RGS7: variants seen among roughly 807,000 people sequenced by gnomAD.
The protein encoded by RGS7 is regulator of G protein signaling 7, also known as regulator of G-protein signaling 7.
In RGS7, 27 loss-of-function variants were observed where a neutral mutation model predicts 81.1. The ratio of observed to expected loss-of-function variants is 0.33; its 90% confidence interval spans 0.25 to 0.46. RGS7 has a LOEUF of 0.46. Ranked by LOEUF, RGS7 falls within the 20% of genes least tolerant of loss-of-function variation. The pLI is 1.00. For synonymous variants in RGS7, 208 were observed against 207.7 expected, an observed-to-expected ratio of 1.00 and a Z score of -0.01; for missense variants, 396 against 607.4, an observed-to-expected ratio of 0.65 and a Z score of 3.66.
intron 2 of RGS7, among the ~76,000 whole-genome samples, chr1:241,211,246 T>C (rs1183479705): frequency 6.6e-6 from 1 of 152,038 alleles, no homozygotes; most frequent in Non-Finnish European, 1.5e-5. Flanking sequence ...GATGGCGCCA[T>C]TGCACTCCAG....
chr1:241,111,605 C>A lies in RGS7; in HGVS notation c.79-12843G>T, dbSNP rs187447687. Among the ~76,000 whole-genome samples the A allele has an allele frequency of 7.8e-3, 1,174 of 150,296 alleles. 22 individuals are homozygous for A. The highest frequency in any genetic ancestry group is 0.027 in the African/African-American group (1,089 of 40,566). ...AGCCTGGACAACATAGCAAGACCCC[C>A]CCTCTCTACAAGTAAAAAAAAAAAT... On this transcript the variant is annotated intron_variant, in intron 2 of 18. Coordinates refer to ENST00000440928, the MANE Select transcript of RGS7 (RefSeq NM_001364886.1).
chr1:241,264,663 G>A (rs558560823), intron 2 of RGS7, among the ~76,000 whole-genome samples: 1 of 152,318 alleles, frequency 6.6e-6, no homozygotes, highest in African/African-American at 2.4e-5. Context: ...GAATAATTAT[G>A]AAGTCTCCAG....
chr1:241,349,814 A>C (rs2083122481), intron 2 of RGS7, among the ~76,000 whole-genome samples: 1 of 152,186 alleles, frequency 6.6e-6, no homozygotes, highest in Non-Finnish European at 1.5e-5. Flanking sequence ...CTTGTTTTCA[A>C]AGAGACTTAA....
At chr1:241,215,691 C>T (rs1310266436) in intron 2 of RGS7, among the ~76,000 whole-genome samples, 3 of 152,074 alleles carry the variant, frequency 2.0e-5, no homozygotes, top group Admixed American at 6.6e-5. Flanking sequence ...GGGAAGTCCT[C>T]GTAGGGGAAA....
chr1:241,143,827 T>G (rs2068101540), intron 2 of RGS7, among the ~76,000 whole-genome samples: 1 of 152,308 alleles, frequency 6.6e-6, no homozygotes, highest in East Asian at 1.9e-4. Flanking sequence ...GATTAGATCA[T>G]GAGGGCAAAG....
intron 3 of RGS7, among the ~76,000 whole-genome samples, chr1:240,997,081 G>T (rs1189324062): frequency 1.3e-5 from 2 of 151,686 alleles, no homozygotes; most frequent in African/African-American, 4.8e-5. Context: ...TCCTGAAGAG[G>T]GAACACAGAT....
At position 241,144,926 on chromosome 1, in the gene RGS7, GGTGTGTGTGT is replaced by G. The variant is rs58610723; in HGVS notation, c.79-46174_79-46165del. Among the ~76,000 whole-genome samples the G allele has an allele frequency of 7.7e-5, 11 of 141,968 alleles. No homozygotes were observed. In the South Asian group the frequency reaches 1.6e-3, roughly 21 times the overall value. 93.1% of individuals were successfully genotyped at this position (141,968 alleles called of 152,430 possible). ...TCAGTATGTGTTGGCAGGGCAGGATGGTGTGTGTGTGTGTGTGTGTGTGTGTGTGTGTGTG... is the reference window on the plus strand; with the variant it reads ...TCAGTATGTGTTGGCAGGGCAGGATGGTGTGTGTGTGTGTGTGTGTGTGTG... On this transcript the variant is annotated intron_variant, in intron 2 of 18. Transcript: ENST00000440928. This position sits in a 1 kb window ranked among gnomAD's most constrained non-coding sequence, Gnocchi z 4.7.
rs780817153 is a variant in RGS7 at position 240,890,052 on chromosome 1, C to T, written c.386-19933G>A. On this transcript the variant is annotated intron_variant, in intron 6 of 18. Coordinates refer to ENST00000440928, the MANE Select transcript of RGS7 (RefSeq NM_001364886.1). ...ACTGGTTTGCAGAGACTTCCCTCCC[C>T]ACACTCTGCCCTCCCGTACTCAGTC... Among the ~76,000 whole-genome samples, 4 of 152,224 alleles carry T rather than the reference C, an allele frequency of 2.6e-5. No homozygotes were observed. In the East Asian group the frequency reaches 7.7e-4, roughly 29 times the overall value.
At chr1:241,201,192 C>T (rs1309954386) in intron 2 of RGS7, among the ~76,000 whole-genome samples, 1 of 152,192 alleles carries the variant, frequency 6.6e-6, no homozygotes, top group African/African-American at 2.4e-5. Context: ...ATGCCTACCC[C>T]ACTTCTCTAA....
intron 2 of RGS7, among the ~76,000 whole-genome samples, chr1:241,120,540 C>G (rs112129969): frequency 1.2e-4 from 19 of 152,056 alleles, no homozygotes; most frequent in African/African-American, 3.6e-4. Flanking sequence ...GAGATGGAGT[C>G]TTGCTATGTT....
At chr1:241,032,285 A>C (rs558854098) in intron 3 of RGS7, among the ~76,000 whole-genome samples, 5 of 152,310 alleles carry the variant, frequency 3.3e-5, no homozygotes, top group African/African-American at 1.2e-4. Flanking sequence ...AGTTGACTGC[A>C]TGTATGTAGC....
At chr1:241,313,831 T>G (rs1481967402) in intron 2 of RGS7, among the ~76,000 whole-genome samples, 2 of 152,086 alleles carry the variant, frequency 1.3e-5, no homozygotes, top group Admixed American at 6.5e-5. Flanking sequence ...TTAACAGAAG[T>G]TTGCATGAAG....
chr1:241,044,222 T>G (rs1187551860), intron 3 of RGS7, among the ~76,000 whole-genome samples: 2 of 151,738 alleles, frequency 1.3e-5, no homozygotes. Context: ...AAGCGATTCT[T>G]GTGCCTCAGC....
At chr1:240,793,546 T>A (rs1686377819) in intron 18 of RGS7, among the ~76,000 whole-genome samples, 1 of 147,964 alleles carries the variant, frequency 6.8e-6, no homozygotes, top group South Asian at 2.1e-4. Flanking sequence ...GGAAACTCAA[T>A]GGTCAGTTTA....
At chr1:241,230,078 CA>C (rs2075568009) in intron 2 of RGS7, among the ~76,000 whole-genome samples, 1 of 149,506 alleles carries the variant, frequency 6.7e-6, no homozygotes, top group Admixed American at 6.7e-5. Context: ...TTTTTTTTTT[CA>C]CTGAATAATT....
At chr1:241,275,261 C>T (rs139072391) in intron 2 of RGS7, among the ~76,000 whole-genome samples, 9 of 152,308 alleles carry the variant, frequency 5.9e-5, no homozygotes, top group Admixed American at 2.6e-4. Context: ...ATGCTTTGAC[C>T]TGAGGCTGAT....
At chr1:241,009,564 C>T (rs1304791422) in intron 3 of RGS7, among the ~76,000 whole-genome samples, 5 of 152,158 alleles carry the variant, frequency 3.3e-5, no homozygotes, top group African/African-American at 7.2e-5. Flanking sequence ...TATGAAACTG[C>T]CCCATAGCCT....
At chr1:240,961,141 T>C (rs261856) in intron 4 of RGS7, among the ~76,000 whole-genome samples, 152,093 of 152,280 alleles carry the variant, frequency 1, 75,953 homozygotes, top group Middle Eastern at 1. Flanking sequence ...TAAAGTAATG[T>C]ATATAAATAT....
chr1:240,824,440 A>G (rs1035502616), intron 10 of RGS7, among the ~76,000 whole-genome samples: 1 of 152,184 alleles, frequency 6.6e-6, no homozygotes, highest in African/African-American at 2.4e-5. Context: ...AGCCAGGAGG[A>G]GGCGCTACAG....
Sources: gnomAD v4.1 joint callset for allele counts (sites outside exome capture counted in the v4.1 genomes callset) on GRCh38, gnomAD v4.1.1 for gene constraint, Gnocchi (gnomAD v3.1) non-coding constraint, MANE v1.5 for transcripts, NCBI Gene and HGNC (gene_info 2026-07-23, HGNC 2026-07-21) for gene names.